CUX2: variants seen among roughly 807,000 people sequenced by gnomAD.
The protein encoded by CUX2 is cut like homeobox 2.
A neutral mutation model predicts 144.8 loss-of-function variants in CUX2; 40 were observed. The observed-to-expected ratio is 0.28, with a 90% CI of 0.21 to 0.36. CUX2 has a LOEUF of 0.36. Among genes scored for constraint, CUX2 ranks in the 10% least tolerant of loss-of-function variants. The pLI is 1.00. For missense variants in CUX2, 1,615 were observed against 1,994.0 expected, an observed-to-expected ratio of 0.81 and a Z score of 3.62; for synonymous variants, 827 against 875.6, an observed-to-expected ratio of 0.94 and a Z score of 0.98.
chr12:111,260,740 G>A (rs1884077766), intron 3 of CUX2, among the ~76,000 whole-genome samples: 1 of 152,162 alleles, frequency 6.6e-6, no homozygotes, highest in Non-Finnish European at 1.5e-5. Flanking sequence ...GCCATGAAGG[G>A]AAAGTAGGGG....
At chr12:111,336,424 T>TTG (rs57009074) in intron 19 of CUX2, among the ~76,000 whole-genome samples, 7,455 of 146,052 alleles carry the variant, frequency 0.051, 197 homozygotes, top group South Asian at 0.07. Context: ...CACTTCAGTG[T>TTG]TGTGTGTGTG....
rs1208767788 is a variant in CUX2 at position 111,277,245 on chromosome 12, A to T, written c.301+13406A>T. On this transcript the variant is annotated intron_variant, in intron 4 of 21. Transcript: ENST00000261726. This position sits in a 1 kb window ranked among gnomAD's most constrained non-coding sequence, Gnocchi z 5.0. ...CCCCGCCCTCCCAGCCTGCGCAGGG[A>T]GGGGAAAGGAGATTGGCACTGGGCG... Among the ~76,000 whole-genome samples, 1 of 152,062 alleles carries T rather than the reference A, an allele frequency of 6.6e-6. No homozygotes were observed. Among genetic ancestry groups the T allele is most frequent in the Non-Finnish European group, 1.5e-5 (1 of 67,992 alleles).
chr12:111,217,431 C>T (rs1349134788), intron 2 of CUX2, among the ~76,000 whole-genome samples: 1 of 152,120 alleles, frequency 6.6e-6, no homozygotes, highest in African/African-American at 2.4e-5. Context: ...GAGGCAGCCC[C>T]GGGCGACACC....
intron 4 of CUX2, among the ~76,000 whole-genome samples, chr12:111,281,211 C>T (rs1342963333): frequency 1.3e-5 from 2 of 152,184 alleles, no homozygotes; most frequent in African/African-American, 2.4e-5. Context: ...CCACCTGTCC[C>T]CCCCATCTCC....
intron 1 of CUX2, among the ~76,000 whole-genome samples, chr12:111,066,820 G>C (rs1229135833): frequency 6.6e-6 from 1 of 152,190 alleles, no homozygotes; most frequent in Admixed American, 6.5e-5. Context: ...GTGTGATCTT[G>C]AGTGAGCCTC....
intron 4 of CUX2, among the ~76,000 whole-genome samples, chr12:111,275,492 G>A (rs568741480): frequency 2.6e-5 from 4 of 152,288 alleles, no homozygotes; most frequent in East Asian, 3.9e-4. Context: ...CGCATGTGTC[G>A]GCTGGAAGGC....
At chr12:111,048,523 A>G (rs528357342) in intron 1 of CUX2, among the ~76,000 whole-genome samples, 28 of 152,218 alleles carry the variant, frequency 1.8e-4, no homozygotes, top group African/African-American at 6.3e-4. Flanking sequence ...GTAGGCTTTT[A>G]GCGGCAGGCA....
intron 18 of CUX2, among the ~76,000 whole-genome samples, chr12:111,330,724 T>TATATATATACATATAC (rs1888075384): frequency 1.9e-5 from 1 of 51,342 alleles, no homozygotes; most frequent in African/African-American, 1.0e-4. Flanking sequence ...TATATATATA[T>TATATATATACATATAC]ATATATATAT....
chr12:111,100,305 C>T (rs1288254494), intron 1 of CUX2, among the ~76,000 whole-genome samples: 5 of 151,820 alleles, frequency 3.3e-5, no homozygotes, highest in African/African-American at 4.8e-5. Flanking sequence ...TGTGGCTCTC[C>T]GTGTGTCTTT....
chr12:111,233,122 C>G (rs1321415197), intron 3 of CUX2, among the ~76,000 whole-genome samples: 2 of 152,120 alleles, frequency 1.3e-5, no homozygotes, highest in East Asian at 3.9e-4. Flanking sequence ...TACAAATGCC[C>G]CAAGGCAGGA....
At position 111,221,819 on chromosome 12, in the gene CUX2, G is replaced by A. The variant is rs146514177; in HGVS notation, c.222+3882G>A. 2.5e-3 allele frequency among the ~76,000 whole-genome samples: 375 copies of A among 151,894 alleles called. 2 individuals carry two copies. Among genetic ancestry groups the A allele is most frequent in the Middle Eastern group, 0.01 (3 of 294 alleles). On this transcript the variant is annotated intron_variant, in intron 3 of 21. Coordinates refer to ENST00000261726, the MANE Select transcript of CUX2 (RefSeq NM_015267.4). Reference sequence around the variant, plus strand: ...GTGTGTGTTTGTGTGTGTGCGTGCCGGTGGGAGGGGGTGGAGAGGAAGTGA... The same window carrying A: ...GTGTGTGTTTGTGTGTGTGCGTGCCAGTGGGAGGGGGTGGAGAGGAAGTGA...
chr12:111,304,397 G>A lies in CUX2; in HGVS notation c.858+83G>A, dbSNP rs1479841088. The A allele has an allele frequency of 4.5e-6, 5 of 1,113,896 alleles. No individual in the cohort carries two copies. The highest frequency in any genetic ancestry group is 6.6e-6 in the Non-Finnish European group (5 of 753,494). 69.0% of individuals were successfully genotyped at this position (1,113,896 alleles called of 1,614,324 possible). On this transcript the variant is annotated intron_variant, in intron 10 of 21. Transcript: ENST00000261726. This position sits in a 1 kb window ranked among gnomAD's most constrained non-coding sequence, Gnocchi z 4.7. ...TGAGTTTGCAGGTTTCAGCATGTGG[G>A]TGACACTTTGTGGTTGATTGTGTGC...
At chr12:111,036,005 C>T (rs1005668686) in intron 1 of CUX2, among the ~76,000 whole-genome samples, 1 of 152,132 alleles carries the variant, frequency 6.6e-6, no homozygotes, top group Non-Finnish European at 1.5e-5. Context: ...GGGCTTGGCA[C>T]GAAGGCCAAT....
intron 1 of CUX2, among the ~76,000 whole-genome samples, chr12:111,162,310 G>A (rs1877825914): frequency 6.6e-6 from 1 of 152,238 alleles, no homozygotes; most frequent in Non-Finnish European, 1.5e-5. Flanking sequence ...GGTGGGAGGT[G>A]GGGTTTCGTC....
intron 3 of CUX2, among the ~76,000 whole-genome samples, chr12:111,245,956 G>GAC (rs1378577127): frequency 1.2e-4 from 18 of 152,260 alleles, no homozygotes; most frequent in Middle Eastern, 6.8e-3. Flanking sequence ...GGCAGGTGGG[G>GAC]ACTCTGTAAG....
chr12:111,341,372 G>T (rs1192089310), intron 20 of CUX2, among the ~76,000 whole-genome samples: 1 of 152,140 alleles, frequency 6.6e-6, no homozygotes, highest in Non-Finnish European at 1.5e-5. Flanking sequence ...GAGGCAGGAG[G>T]ATTGCCTGAG....
intron 1 of CUX2, among the ~76,000 whole-genome samples, chr12:111,069,049 T>A (rs968422687): frequency 3.9e-5 from 6 of 151,956 alleles, no homozygotes; most frequent in Non-Finnish European, 8.8e-5. Flanking sequence ...AAGGTTGCAG[T>A]GTCCGTAGAT....
intron 1 of CUX2, among the ~76,000 whole-genome samples, chr12:111,073,743 T>G (rs1394055099): frequency 6.6e-6 from 1 of 152,044 alleles, no homozygotes; most frequent in African/African-American, 2.4e-5. Flanking sequence ...GAGGATCACT[T>G]GGAGCCAGGA....
chr12:111,169,025 A>T lies in CUX2; in HGVS notation c.64-45175A>T, dbSNP rs539862916. ...CATTGAATGGCATCCGCCAAAATTC[A>T]TGTCCACCTAGAACCTCAGGGTATG... On this transcript the variant is annotated intron_variant, in intron 1 of 21. Transcript: ENST00000261726. Among the ~76,000 whole-genome samples, 6 of 152,152 alleles carry T rather than the reference A, an allele frequency of 3.9e-5. No individual in the cohort carries two copies. The East Asian group carries it at 1.2e-3, about 29-fold the overall frequency.
Sources: gnomAD v4.1 joint callset for allele counts (sites outside exome capture counted in the v4.1 genomes callset) on GRCh38, gnomAD v4.1.1 for gene constraint, Gnocchi (gnomAD v3.1) non-coding constraint, MANE v1.5 for transcripts, NCBI Gene and HGNC (gene_info 2026-07-23, HGNC 2026-07-21) for gene names.